Variants in INPP4B observed in about 807,000 individuals in gnomAD.
INPP4B encodes the protein inositol polyphosphate-4-phosphatase type II B.
Under a neutral mutation model 122.5 loss-of-function variants are expected in INPP4B, and 55 were observed. The observed-to-expected ratio is 0.45, with a 90% CI of 0.36 to 0.56. INPP4B has a LOEUF of 0.56. Among genes scored for constraint, INPP4B ranks in the 20% least tolerant of loss-of-function variants. The pLI, the probability that INPP4B is intolerant of heterozygous loss-of-function variation, is 0.00. For synonymous variants in INPP4B, 403 were observed against 388.7 expected, an observed-to-expected ratio of 1.04 and a Z score of -0.43; for missense variants, 1,000 against 1,097.7, an observed-to-expected ratio of 0.91 and a Z score of 1.26.
intron 17 of INPP4B, among the ~76,000 whole-genome samples, chr4:142,149,835 G>A (rs182801414): frequency 6.6e-6 from 1 of 152,296 alleles, no homozygotes; most frequent in East Asian, 1.9e-4. Flanking sequence ...CATTAATAAA[G>A]GAGTATCAGG....
intron 7 of INPP4B, among the ~76,000 whole-genome samples, chr4:142,348,873 A>G (rs1781117056): frequency 6.6e-6 from 1 of 151,996 alleles, no homozygotes; most frequent in South Asian, 2.1e-4. Context: ...AAGTGATTTC[A>G]GGCACTTCGC....
chr4:142,403,711 C>T (rs375505496), intron 6 of INPP4B, among the ~76,000 whole-genome samples: 3 of 152,118 alleles, frequency 2.0e-5, no homozygotes, highest in East Asian at 3.9e-4. Context: ...TATATATTGC[C>T]GAATATCATG....
chr4:142,185,650 C>A (rs746008877), intron 15 of INPP4B, among the ~76,000 whole-genome samples: 10 of 151,532 alleles, frequency 6.6e-5, no homozygotes, highest in Non-Finnish European at 1.2e-4. Flanking sequence ...GAGGCCGAGG[C>A]GGGTGGATCA....
At chr4:142,303,878 T>C (rs1762407312) in intron 9 of INPP4B, among the ~76,000 whole-genome samples, 1 of 152,178 alleles carries the variant, frequency 6.6e-6, no homozygotes, top group Non-Finnish European at 1.5e-5. Context: ...TACCCTAAAC[T>C]TGACCCTTCG....
At chr4:142,273,796 C>T (rs755368210) in intron 9 of INPP4B, among the ~76,000 whole-genome samples, 3 of 151,734 alleles carry the variant, frequency 2.0e-5, no homozygotes, top group Non-Finnish European at 4.4e-5. Flanking sequence ...TTTACATGCC[C>T]TAAAGCATGT....
At chr4:142,070,572 G>A (rs1299858652) in intron 25 of INPP4B, among the ~76,000 whole-genome samples, 1 of 152,154 alleles carries the variant, frequency 6.6e-6, no homozygotes, top group Non-Finnish European at 1.5e-5. Flanking sequence ...TGACATGATT[G>A]TATATTTAGA....
intron 2 of INPP4B, chr4:142,467,972 C>T (rs931393699): frequency 1.3e-5 from 2 of 152,126 alleles, no homozygotes; most frequent in African/African-American, 2.4e-5. Context: ...GATGTGCCTG[C>T]TCCTCCTTTG....
intron 12 of INPP4B, among the ~76,000 whole-genome samples, chr4:142,228,877 T>C (rs72722415): frequency 0.029 from 4,423 of 151,736 alleles, 110 homozygotes; most frequent in South Asian, 0.067. Context: ...GTGTGGATAT[T>C]TGTAATAAAT....
chr4:142,730,877 G>A (rs1765981791), intron 1 of INPP4B, among the ~76,000 whole-genome samples: 1 of 152,164 alleles, frequency 6.6e-6, no homozygotes, highest in East Asian at 1.9e-4. Context: ...AGACAGCGTT[G>A]ACTTATGTGG....
intron 17 of INPP4B, among the ~76,000 whole-genome samples, chr4:142,149,877 G>A (rs1342061442): frequency 6.6e-6 from 1 of 152,176 alleles, no homozygotes; most frequent in African/African-American, 2.4e-5. Context: ...ATGTGACCAG[G>A]ATATAGAGCA....
At chr4:142,775,518 C>A (rs1311043477) in intron 1 of INPP4B, among the ~76,000 whole-genome samples, 1 of 136,928 alleles carries the variant, frequency 7.3e-6, no homozygotes, top group East Asian at 2.2e-4. Context: ...CCCCTCCCCT[C>A]CCCACCCCTC....
intron 9 of INPP4B, among the ~76,000 whole-genome samples, chr4:142,280,991 T>C (rs1336026962): frequency 6.6e-6 from 1 of 152,030 alleles, no homozygotes; most frequent in Non-Finnish European, 1.5e-5. Context: ...AGGTGCAATA[T>C]ATTTACCAAG....
At chr4:142,351,388 A>ATATC (rs1321997253) in intron 7 of INPP4B, among the ~76,000 whole-genome samples, 1 of 152,012 alleles carries the variant, frequency 6.6e-6, no homozygotes, top group Non-Finnish European at 1.5e-5. Flanking sequence ...CAACAATCTT[A>ATATC]TATCTAGTTA....
chr4:142,655,481 T>C (rs1753950617), intron 2 of INPP4B, among the ~76,000 whole-genome samples: 2 of 152,232 alleles, frequency 1.3e-5, no homozygotes, highest in Admixed American at 6.5e-5. Flanking sequence ...CAAAATTATC[T>C]GTGAAATGCA....
chr4:142,069,292 A>C (rs1765539683), intron 25 of INPP4B, among the ~76,000 whole-genome samples: 1 of 152,234 alleles, frequency 6.6e-6, no homozygotes, highest in South Asian at 2.1e-4. Flanking sequence ...AATGAGAACA[A>C]ACACACAACA....
At chr4:142,641,594 T>A (rs922762290) in intron 2 of INPP4B, among the ~76,000 whole-genome samples, 1 of 152,192 alleles carries the variant, frequency 6.6e-6, no homozygotes, top group African/African-American at 2.4e-5. Context: ...ACAAAGGACA[T>A]GAACTCATCC....
chr4:142,054,339 G>A (rs1254276086), intron 25 of INPP4B, among the ~76,000 whole-genome samples: 2 of 151,450 alleles, frequency 1.3e-5, no homozygotes, highest in Non-Finnish European at 2.9e-5. Flanking sequence ...TTATGTGCAT[G>A]TATGAGATAA....
chr4:142,460,050 T>C (rs1816383808), intron 3 of INPP4B, among the ~76,000 whole-genome samples: 1 of 152,232 alleles, frequency 6.6e-6, no homozygotes, highest in Non-Finnish European at 1.5e-5. Flanking sequence ...CTCCTTGCTT[T>C]TTCTAACTTC....
intron 10 of INPP4B, among the ~76,000 whole-genome samples, chr4:142,266,068 C>T (rs1742633999): frequency 6.6e-6 from 1 of 152,138 alleles, no homozygotes; most frequent in African/African-American, 2.4e-5. Flanking sequence ...TCCTGGTACA[C>T]AGTTACAGGT....
Sources: gnomAD v4.1 joint callset for allele counts (sites outside exome capture counted in the v4.1 genomes callset) on GRCh38, gnomAD v4.1.1 for gene constraint, MANE v1.5 for transcripts, NCBI Gene and HGNC (gene_info 2026-07-23, HGNC 2026-07-21) for gene names.